Variants in FAM83B observed in about 807,000 individuals in gnomAD.
The protein encoded by FAM83B is protein FAM83B.
In FAM83B, 26 loss-of-function variants were observed where a neutral mutation model predicts 38.8. The ratio of observed to expected loss-of-function variants is 0.67; its 90% CI spans 0.49 to 0.93. FAM83B has a LOEUF of 0.93. Ranked by LOEUF, FAM83B falls within the 40% of genes least tolerant of loss-of-function variation. The probability of loss-of-function intolerance (pLI) is 0.00; values close to 1 mark genes in which losing one functional copy is unlikely to be tolerated. For synonymous variants in FAM83B, 419 were observed against 423.1 expected (o/e 0.99, Z 0.12); for missense variants, 1,237 against 1,197.3 (o/e 1.03, Z -0.49).
At position 54,941,325 on chromosome 6, in the gene FAM83B, A is replaced by G; in HGVS notation, c.2354A>G (p.Lys785Arg). The G allele has an allele frequency of 6.2e-7, 1 of 1,612,478 alleles. No individual in the cohort carries two copies. Among genetic ancestry groups the G allele is most frequent in the Non-Finnish European group, 8.5e-7 (1 of 1,179,670 alleles). The change falls in exon 5 of 5, where the codon AAG becomes AGG. Residue 785 changes from lysine to arginine, a missense_variant. Transcript: ENST00000306858. ...LRSLLSLTPD[K>R]KENLSKNKAP... ...TCATTACTTAGCCTTACCCCAGATA[A>G]GAAAGAAAATCTATCCAAAAATAAA...
At chr6:54,881,828 T>G (rs1772137624) in intron 2 of FAM83B, among the ~76,000 whole-genome samples, 1 of 152,228 alleles carries the variant, frequency 6.6e-6, no homozygotes, top group African/African-American at 2.4e-5. Context: ...GTTTGTTACA[T>G]ATGTATACAT....
rs1487251735 is a variant in FAM83B at position 54,941,017 on chromosome 6, T to G, written c.2046T>G (p.His682Gln). The G allele has an allele frequency of 1.2e-6, 2 of 1,613,844 alleles. No individual in the cohort carries two copies. Among genetic ancestry groups the G allele is most frequent in the Non-Finnish European group, 1.7e-6 (2 of 1,179,988 alleles). Residue 682 changes from histidine to glutamine, a missense_variant, in exon 5 of 5, where the codon CAT (histidine) becomes CAG (glutamine). Transcript: ENST00000306858. The part of the protein sequence containing the change: ...KANLDPGNSK[H>Q]YVYSTLTRNR... The stretch of plus-strand genomic sequence containing the variant: ...ACTTAGATCCTGGAAATAGTAAGCA[T>G]TATGTATATAGTACACTTACCAGGA...
chr6:54,880,349 A>C (rs1772101411), intron 2 of FAM83B, among the ~76,000 whole-genome samples: 1 of 152,232 alleles, frequency 6.6e-6, no homozygotes, highest in Admixed American at 6.5e-5. Context: ...GAAATTTTAA[A>C]GTAGCAAAAA....
intron 2 of FAM83B, among the ~76,000 whole-genome samples, chr6:54,880,176 A>G (rs1772097161): frequency 6.6e-6 from 1 of 152,236 alleles, no homozygotes. Context: ...CAAGTGATTT[A>G]AAGTCTAATA....
At chr6:54,852,333 A>G (rs10948864) in intron 1 of FAM83B, among the ~76,000 whole-genome samples, 69,016 of 152,062 alleles carry the variant, frequency 0.45, 16,358 homozygotes, top group African/African-American at 0.54. Flanking sequence ...GATAATTCTC[A>G]CAATATTTCA....
intron 1 of FAM83B, among the ~76,000 whole-genome samples, chr6:54,854,524 T>C (rs1406401994): frequency 6.6e-6 from 1 of 152,214 alleles, no homozygotes; most frequent in Non-Finnish European, 1.5e-5. Context: ...AGATTACAAC[T>C]TGCTGAAGGC....
intron 1 of FAM83B, among the ~76,000 whole-genome samples, chr6:54,857,830 C>T (rs1771477763): frequency 6.6e-6 from 1 of 152,026 alleles, no homozygotes; most frequent in Admixed American, 6.6e-5. Flanking sequence ...AGTGGGCACT[C>T]TCTACAATGG....
intron 2 of FAM83B, among the ~76,000 whole-genome samples, chr6:54,889,754 G>A (rs1361886032): frequency 6.6e-6 from 1 of 152,038 alleles, no homozygotes; most frequent in East Asian, 1.9e-4. Context: ...TATATGTGTA[G>A]ACTTTTCATT....
chr6:54,908,030 G>A (rs1231515460), intron 2 of FAM83B, among the ~76,000 whole-genome samples: 2 of 150,770 alleles, frequency 1.3e-5, no homozygotes, highest in African/African-American at 2.4e-5. Context: ...TAATTTAGAG[G>A]ATGAAAAAAA....
chr6:54,929,417 G>C (rs1773375416), intron 4 of FAM83B, among the ~76,000 whole-genome samples: 1 of 152,096 alleles, frequency 6.6e-6, no homozygotes, highest in Admixed American at 6.6e-5. Flanking sequence ...CCCAGAATCT[G>C]TATTTACCAC....
At position 54,870,362 on chromosome 6, in the gene FAM83B, G is replaced by T; in HGVS notation, c.116G>T (p.Gly39Val). The change falls in exon 2 of 5, where the codon GGG becomes GTG. Residue 39 changes from glycine to valine, a missense_variant. Physicochemically the swap from Gly to Val is moderately radical, Grantham distance 109. Coordinates refer to ENST00000306858, the MANE Select transcript of FAM83B (RefSeq NM_001010872.3). The part of the protein sequence containing the change: ...RVAIDILIEH[G>V]LEAYQEFLVQ... Reference sequence around the variant, plus strand: ...GCCATTGATATTCTGATTGAACACGGGTTAGAAGCATACCAAGAATTTCTT... The same window carrying T: ...GCCATTGATATTCTGATTGAACACGTGTTAGAAGCATACCAAGAATTTCTT... The T allele has an allele frequency of 6.2e-7, 1 of 1,614,014 alleles. No individual in the cohort carries two copies. Among genetic ancestry groups the T allele is most frequent in the South Asian group, 1.1e-5 (1 of 91,084 alleles).
intron 1 of FAM83B, among the ~76,000 whole-genome samples, chr6:54,860,881 ATGT>A (rs1451381251): frequency 6.6e-6 from 1 of 152,202 alleles, no homozygotes; most frequent in Non-Finnish European, 1.5e-5. Context: ...TCTTGTGTAC[ATGT>A]TCACAGCATG....
intron 2 of FAM83B, among the ~76,000 whole-genome samples, chr6:54,879,207 A>G (rs1341858578): frequency 6.6e-6 from 1 of 152,208 alleles, no homozygotes; most frequent in Non-Finnish European, 1.5e-5. Context: ...GAGGGTTCAC[A>G]TTGGAACCCA....
At chr6:54,870,725 A>T (rs777356967) in intron 2 of FAM83B, 35 bp downstream of exon 2, 2 of 1,526,858 alleles carry the variant, frequency 1.3e-6, no homozygotes, top group Admixed American at 4.2e-5. Flanking sequence ...GAAAAATTTG[A>T]AACATGTAGA....
Position 54,853,237 on chromosome 6 carries a change from G to C in FAM83B, c.-61+6411G>C, listed in dbSNP as rs1250023507. Among the ~76,000 whole-genome samples the C allele has an allele frequency of 2.0e-5, 3 of 152,338 alleles. No individual in the cohort carries two copies. The East Asian group carries it at 5.8e-4, about 29-fold the overall frequency. On this transcript the variant is annotated intron_variant, in intron 1 of 4. Coordinates refer to ENST00000306858, the MANE Select transcript of FAM83B (RefSeq NM_001010872.3). Reference sequence around the variant, plus strand: ...AAATGTAAATGTGCAAAGTGAAGCAGCAAGTGCTCATGAAGAAGCTGAAGC... The same window carrying C: ...AAATGTAAATGTGCAAAGTGAAGCACCAAGTGCTCATGAAGAAGCTGAAGC...
intron 4 of FAM83B, among the ~76,000 whole-genome samples, chr6:54,931,164 T>C (rs74534698): frequency 0.01 from 1,555 of 152,312 alleles, 18 homozygotes; most frequent in African/African-American, 0.035. Context: ...TAAGATACTT[T>C]GTGTGATTTA....
intron 4 of FAM83B, among the ~76,000 whole-genome samples, chr6:54,935,460 A>G (rs1561930526): frequency 6.6e-6 from 1 of 152,120 alleles, no homozygotes; most frequent in East Asian, 1.9e-4. Context: ...AGATATATTG[A>G]AGAGGGAACA....
intron 2 of FAM83B, among the ~76,000 whole-genome samples, chr6:54,918,624 T>C (rs1333908695): frequency 6.6e-6 from 1 of 152,082 alleles, no homozygotes; most frequent in African/African-American, 2.4e-5. Context: ...AAGAACAGCA[T>C]GGAGGTAACC....
chr6:54,908,789 A>G (rs1202603478), intron 2 of FAM83B, among the ~76,000 whole-genome samples: 2 of 152,160 alleles, frequency 1.3e-5, no homozygotes, highest in East Asian at 3.9e-4. Context: ...CTTCTTATTA[A>G]TGGAGCATTA....
Sources: gnomAD v4.1 joint callset for allele counts (sites outside exome capture counted in the v4.1 genomes callset) on GRCh38, gnomAD v4.1.1 for gene constraint, MANE v1.5 for transcripts, NCBI Gene and HGNC (gene_info 2026-07-23, HGNC 2026-07-21) for gene names.